Variants in GPATCH1 observed in about 807,000 individuals in gnomAD.
The protein encoded by GPATCH1 is G patch domain-containing protein 1.
In GPATCH1, 73 loss-of-function variants were observed where a neutral mutation model predicts 114.9. That is an observed-to-expected ratio of 0.64 (90% confidence interval 0.53 to 0.77). GPATCH1 has a LOEUF of 0.77. Among genes scored for constraint, GPATCH1 ranks in the 30% least tolerant of loss-of-function variants. The pLI is 0.00. For missense variants in GPATCH1, 1,058 were observed against 1,144.3 expected (o/e 0.92, Z 1.09); for synonymous variants, 391 against 428.4 (o/e 0.91, Z 1.08).
At chr19:33,083,576 G>C (rs530458210) in intron 1 of GPATCH1, among the ~76,000 whole-genome samples, 4 of 151,636 alleles carry the variant, frequency 2.6e-5, no homozygotes, top group African/African-American at 7.3e-5. Context: ...TGTATTTTTA[G>C]TAGAGACAGG....
At position 33,096,211 on chromosome 19, in the gene GPATCH1, A is replaced by G; in HGVS notation, c.617A>G (p.Glu206Gly). The G allele has an allele frequency of 1.9e-6, 3 of 1,613,576 alleles. No individual in the cohort carries two copies. Among genetic ancestry groups the G allele is most frequent in the Non-Finnish European group, 2.5e-6 (3 of 1,179,754 alleles). ...PPGSSEGSEG[E>G]DDDYLPDNVT... ...TTCCACTTTAAACGGAAATAGGGTGAAGATGATGACTACTTGCCTGATAAT... is the reference window on the plus strand; with the variant it reads ...TTCCACTTTAAACGGAAATAGGGTGGAGATGATGACTACTTGCCTGATAAT... The change falls in exon 7 of 20, where the codon GAA (glutamate) becomes GGA (glycine). Residue 206 changes from glutamate to glycine, a missense_variant. By Grantham distance (98) the Glu-to-Gly change is moderately conservative (BLOSUM62 -2). Coordinates refer to ENST00000170564, the MANE Select transcript of GPATCH1 (RefSeq NM_018025.3).
chr19:33,102,355 T>C (rs1159119679), intron 9 of GPATCH1, among the ~76,000 whole-genome samples: 2 of 151,108 alleles, frequency 1.3e-5, no homozygotes, highest in Non-Finnish European at 2.9e-5. Flanking sequence ...AGAAAAGAAA[T>C]ATCAGTCAGT....
At chr19:33,095,424 G>A (rs1488341972) in intron 5 of GPATCH1, among the ~76,000 whole-genome samples, 3 of 151,912 alleles carry the variant, frequency 2.0e-5, no homozygotes, top group Non-Finnish European at 4.4e-5. Context: ...ACCATGCCTG[G>A]CTATTTTTTT....
intron 19 of GPATCH1, among the ~76,000 whole-genome samples, 164 bp downstream of exon 19, chr19:33,126,897 G>T (rs551664816): frequency 1.3e-5 from 2 of 151,356 alleles, no homozygotes; most frequent in Non-Finnish European, 3.0e-5. Flanking sequence ...CAGGAGGATC[G>T]CTTGAGCCCA....
At chr19:33,110,138 C>A in intron 11 of GPATCH1, 122 bp downstream of exon 11, 1 of 856,264 alleles carries the variant, frequency 1.2e-6, no homozygotes, top group Non-Finnish European at 1.8e-6. Flanking sequence ...TTGCTTTATC[C>A]TGCTGCAAAT....
At chr19:33,119,990 TTTATATATTATATTTTA>T (rs1036613815) in intron 17 of GPATCH1, among the ~76,000 whole-genome samples, 4 of 143,702 alleles carry the variant, frequency 2.8e-5, no homozygotes, top group African/African-American at 1.0e-4. Context: ...ATTTTATATA[TTTATATATTATATTTTA>T]TATATTTTAT....
chr19:33,125,158 G>C lies in GPATCH1; in HGVS notation c.2575G>C (p.Asp859His). The C allele has an allele frequency of 6.3e-7, 1 of 1,599,324 alleles. No homozygotes were observed. The highest frequency in any genetic ancestry group is 8.5e-7 in the Non-Finnish European group (1 of 1,172,668). ...PQKEKHKKNK[D>H]KHKAKKEHRR... ...AAAAGAGAAACATAAAAAGAACAAA[G>C]ACAAGCACAAGGCCAAGAAAGAGCA... Residue 859 changes from aspartate (D) to histidine (H), a missense_variant, in exon 18 of 20, where the codon GAC becomes CAC. By Grantham distance (81) the Asp-to-His change is moderately conservative (BLOSUM62 -1). Transcript: ENST00000170564.
intron 1 of GPATCH1, among the ~76,000 whole-genome samples, chr19:33,087,528 A>G (rs1341836746): frequency 1.3e-5 from 2 of 152,068 alleles, no homozygotes; most frequent in Non-Finnish European, 2.9e-5. Flanking sequence ...AATAGGCAAT[A>G]CCAAAGGAAA....
intron 16 of GPATCH1, 62 bp downstream of exon 16, chr19:33,118,103 TTC>T: frequency 9.4e-7 from 1 of 1,066,780 alleles, no homozygotes; most frequent in Non-Finnish European, 1.4e-6. Flanking sequence ...GGACAGCTGC[TTC>T]TCTGTTTACT....
chr19:33,106,604 T>G (rs1599859337), intron 9 of GPATCH1, 91 bp from the exon 10 acceptor site: 5 of 1,053,016 alleles, frequency 4.7e-6, no homozygotes, highest in East Asian at 4.8e-5. Context: ...AGGGGCGGGG[T>G]TAACAAGGCT....
intron 1 of GPATCH1, among the ~76,000 whole-genome samples, chr19:33,083,368 C>T (rs998560386): frequency 1.3e-5 from 2 of 150,366 alleles, no homozygotes; most frequent in South Asian, 4.2e-4. Flanking sequence ...AGGCGTGACT[C>T]TCTACGCCTG....
chr19:33,093,558 G>A (rs771783958), intron 4 of GPATCH1, 39 bp downstream of exon 4: 16 of 1,572,796 alleles, frequency 1.0e-5, no homozygotes, highest in Non-Finnish European at 1.3e-5. Flanking sequence ...CTTAGCACCG[G>A]TGTTTTGCAT....
intron 8 of GPATCH1, among the ~76,000 whole-genome samples, chr19:33,099,587 A>T (rs1324998464): frequency 6.6e-6 from 1 of 150,554 alleles, no homozygotes; most frequent in Admixed American, 6.7e-5. Flanking sequence ...TCCACGGTTG[A>T]TTTTTTACAT....
At chr19:33,122,153 G>A (rs776342629) in intron 17 of GPATCH1, among the ~76,000 whole-genome samples, 1 of 151,614 alleles carries the variant, frequency 6.6e-6, no homozygotes, top group Admixed American at 6.6e-5. Context: ...GGAGTAACTG[G>A]GATTACAGGT....
At chr19:33,095,959 C>A in intron 6 of GPATCH1, 139 bp downstream of exon 6, 1 of 768,156 alleles carries the variant, frequency 1.3e-6, no homozygotes, top group African/African-American at 1.7e-5. Flanking sequence ...AAGCTATCCT[C>A]ATTATATCAG....
intron 17 of GPATCH1, among the ~76,000 whole-genome samples, chr19:33,120,333 T>G (rs1414317634): frequency 7.1e-6 from 1 of 141,606 alleles, no homozygotes; most frequent in African/African-American, 2.7e-5. Flanking sequence ...ATATATAAAA[T>G]TATATATAAA....
Position 33,117,935 on chromosome 19 carries a change from C to G in GPATCH1, c.2307C>G (p.Ser769=). Residue 769 remains serine, a synonymous_variant, in exon 16 of 20, where the codon TCC becomes TCG. Coordinates refer to ENST00000170564, the MANE Select transcript of GPATCH1 (RefSeq NM_018025.3). The part of the protein sequence containing the change: ...ASSSDEKSSS[S]EDEQGDSEDD... The stretch of plus-strand genomic sequence containing the variant: ...CCTCAGATGAAAAGTCCTCATCCTC[C>G]GAGGATGAGCAAGGTGACAGTGAAG... 3.1e-6 allele frequency: 5 copies of G among 1,612,518 alleles called. No individual in the cohort carries two copies. Among genetic ancestry groups the G allele is most frequent in the Non-Finnish European group, 4.2e-6 (5 of 1,178,702 alleles).
intron 13 of GPATCH1, chr19:33,113,499 G>A (rs987213802): frequency 8.5e-6 from 3 of 352,624 alleles, no homozygotes; most frequent in Non-Finnish European, 1.5e-5. Context: ...GAGACTGTCA[G>A]AAACTTTAGG....
In GPATCH1 at chr19:33,119,030, G is replaced by A. The variant is rs1972946767; in HGVS notation, c.2434G>A (p.Glu812Lys). 6.2e-7 allele frequency: 1 copy of A among 1,612,570 alleles called. No individual in the cohort carries two copies. The highest frequency in any genetic ancestry group is 8.5e-7 in the Non-Finnish European group (1 of 1,179,276). ...VAHALVPAPQ[E>K]PPPSFPIQKM... The stretch of plus-strand genomic sequence containing the variant: ...TTCAGCTCTTGTGCCAGCACCCCAG[G>A]AGCCGCCACCTTCCTTCCCGATACA... The change falls in exon 17 of 20, where the codon GAG becomes AAG. Residue 812 changes from glutamate (E) to lysine (K), a missense_variant. Transcript: ENST00000170564.
Sources: allele counts gnomAD v4.1 joint callset (sites outside exome capture counted in the v4.1 genomes callset), GRCh38; gene constraint gnomAD v4.1.1; transcripts MANE v1.5; gene names NCBI Gene and HGNC (gene_info 2026-07-23, HGNC 2026-07-21).